The following GNAO1 variants were observed in gnomAD, a reference collection of about 807,000 sequenced individuals.
GNAO1 encodes the protein G protein subunit alpha o1.
For synonymous variants in GNAO1, 164 were observed against 180.7 expected (o/e 0.91, Z 0.74); for missense variants, 166 against 478.7 (o/e 0.35, Z 6.10).
In GNAO1 at chr16:56,351,240, C is replaced by G. The variant is rs923191810; in HGVS notation, c.724-144C>G. 1.5e-5 allele frequency: 9 copies of G among 616,122 alleles called. No homozygotes were observed. Among genetic ancestry groups the G allele is most frequent in the Admixed American group, 2.7e-5 (1 of 36,666 alleles). 38.2% of individuals were successfully genotyped at this position (616,122 alleles called of 1,614,324 possible). The stretch of plus-strand genomic sequence containing the variant: ...GAGATGTGCTGTGAGGTGTAACTGA[C>G]TCAGGTTCCATCTGGCAGCCTCTCG... On this transcript the variant is annotated intron_variant, in intron 6 of 8. Transcript: ENST00000262493. The surrounding 1 kb of genome is among the most constrained non-coding windows in gnomAD (Gnocchi z 6.1).
chr16:56,315,151 C>G (rs1417805868), intron 3 of GNAO1, among the ~76,000 whole-genome samples: 3 of 152,170 alleles, frequency 2.0e-5, no homozygotes, highest in Non-Finnish European at 2.9e-5. Context: ...CTATTCCCAC[C>G]CTGCACCTTA....
chr16:56,355,378 G>C (rs1169454781), intron 8 of GNAO1: 1 of 152,564 alleles, frequency 6.6e-6, no homozygotes, highest in African/African-American at 2.4e-5. Context: ...TGTCCAGATG[G>C]GAGCTTGGTT....
intron 3 of GNAO1, among the ~76,000 whole-genome samples, chr16:56,306,170 A>T (rs1283000515): frequency 6.6e-6 from 1 of 152,146 alleles, no homozygotes; most frequent in Non-Finnish European, 1.5e-5. Context: ...ACAGGTGTTG[A>T]TGGGTGTCAA....
intron 2 of GNAO1, among the ~76,000 whole-genome samples, chr16:56,217,345 T>A (rs2036445313): frequency 1.3e-5 from 2 of 152,222 alleles, no homozygotes. Flanking sequence ...TAATAAGACA[T>A]CAGATTTAGC....
intron 3 of GNAO1, among the ~76,000 whole-genome samples, chr16:56,293,745 A>T (rs1170732991): frequency 6.6e-6 from 1 of 152,158 alleles, no homozygotes; most frequent in Non-Finnish European, 1.5e-5. Context: ...AGCTGTCCTG[A>T]TATCAGGTTG....
intron 3 of GNAO1, among the ~76,000 whole-genome samples, chr16:56,293,777 C>A (rs979012990): frequency 6.6e-6 from 1 of 152,088 alleles, no homozygotes. Flanking sequence ...GAATGAATGA[C>A]TGGGTTTGGG....
intron 2 of GNAO1, among the ~76,000 whole-genome samples, chr16:56,231,884 C>G (rs1596811177): frequency 6.6e-6 from 1 of 152,146 alleles, no homozygotes; most frequent in Non-Finnish European, 1.5e-5. Flanking sequence ...GGAGCCTGGT[C>G]CCAGGAGAAG....
chr16:56,264,422 T>A (rs1410443002), intron 2 of GNAO1, among the ~76,000 whole-genome samples: 2 of 152,224 alleles, frequency 1.3e-5, no homozygotes, highest in African/African-American at 4.8e-5. Context: ...GCAGGGTTCA[T>A]GTTGTTTTTC....
intron 3 of GNAO1, among the ~76,000 whole-genome samples, chr16:56,324,761 T>A (rs1218509204): frequency 4.6e-5 from 7 of 152,258 alleles, no homozygotes; most frequent in Non-Finnish European, 2.9e-5. Context: ...TTGTTGGCGA[T>A]ACTGACCCTT....
At chr16:56,336,425 A>T (rs1188060403) in intron 5 of GNAO1, 2 of 268,676 alleles carry the variant, frequency 7.4e-6, no homozygotes, top group Non-Finnish European at 1.4e-5. Flanking sequence ...TCTCAGAGGC[A>T]CTTCCTGGGG....
At chr16:56,259,531 C>T (rs905558768) in intron 2 of GNAO1, among the ~76,000 whole-genome samples, 18 of 152,166 alleles carry the variant, frequency 1.2e-4, no homozygotes, top group African/African-American at 3.9e-4. Context: ...CATTGCTGGC[C>T]GTGGTGATAA....
intron 3 of GNAO1, among the ~76,000 whole-genome samples, chr16:56,280,775 A>G (rs9922112): frequency 6.6e-6 from 1 of 151,976 alleles, no homozygotes; most frequent in African/African-American, 2.4e-5. Flanking sequence ...GTAGAACCTC[A>G]GCCAGAAAGC....
At chr16:56,246,773 C>T (rs1469057426) in intron 2 of GNAO1, among the ~76,000 whole-genome samples, 1 of 152,178 alleles carries the variant, frequency 6.6e-6, no homozygotes, top group Non-Finnish European at 1.5e-5. Context: ...TGTCCCTCTT[C>T]CTCTCTGACA....
At chr16:56,276,910 C>T (rs1211213238) in intron 3 of GNAO1, 1 of 152,188 alleles carries the variant, frequency 6.6e-6, no homozygotes, top group Non-Finnish European at 1.5e-5. Context: ...CACCTGGGCT[C>T]TGCATCTGAG....
At chr16:56,207,675 T>C (rs1315152663) in intron 2 of GNAO1, among the ~76,000 whole-genome samples, 1 of 152,176 alleles carries the variant, frequency 6.6e-6, no homozygotes, top group Non-Finnish European at 1.5e-5. Context: ...CAGGATATAA[T>C]AGTAAGTCAA....
chr16:56,279,737 A>C (rs1441899214), intron 3 of GNAO1, among the ~76,000 whole-genome samples: 2 of 152,208 alleles, frequency 1.3e-5, no homozygotes, highest in Non-Finnish European at 2.9e-5. Flanking sequence ...GTGTAGTCAG[A>C]GTCCTTTGAG....
chr16:56,355,097 C>A lies in GNAO1; in HGVS notation c.*28+16C>A. 1 of 1,293,708 alleles carries A rather than the reference C, an allele frequency of 7.7e-7. No individual in the cohort carries two copies. Among genetic ancestry groups the A allele is most frequent in the Non-Finnish European group, 1.1e-6 (1 of 903,376 alleles). 80.1% of individuals were successfully genotyped at this position (1,293,708 alleles called of 1,614,324 possible). A position where few individuals can be genotyped will look rare whatever the true frequency, so the allele number is the denominator to read the frequency against. On this transcript the variant is annotated intron_variant, in intron 8 of 8. Transcript: ENST00000262493. ...AACCTATTTGGTAATGATTCCAGCA[C>A]CCACAGAACAGCTTGCGTGCGCGCG...
In GNAO1 at chr16:56,356,769, GTTCCT is replaced by G. The variant is rs2037972628; in HGVS notation, c.*698_*702del. On this transcript the variant is annotated 3_prime_UTR_variant, in exon 9 of 9. Transcript: ENST00000262493. ...GGATAGCCTTTGTAGGGGTTTTTTGGTTCCTTTTTTTTTTTTTTCAGTTTTTGTTT... is the reference window on the plus strand; with the variant it reads ...GGATAGCCTTTGTAGGGGTTTTTTGGTTTTTTTTTTTTTCAGTTTTTGTTT... The G allele has an allele frequency of 8.1e-6, 1 of 123,632 alleles. No individual in the cohort carries two copies. Among genetic ancestry groups the G allele is most frequent in the African/African-American group, 3.0e-5 (1 of 33,306 alleles). The allele number at this position is 123,632 out of a possible 1,614,324, so 7.7% of individuals were successfully genotyped here. A position where few individuals can be genotyped will look rare whatever the true frequency, so the allele number is the denominator to read the frequency against.
intron 2 of GNAO1, among the ~76,000 whole-genome samples, chr16:56,240,470 T>C (rs1373298352): frequency 1.3e-5 from 2 of 152,116 alleles, no homozygotes; most frequent in African/African-American, 2.4e-5. Flanking sequence ...AACTGCTTGG[T>C]TTTTGAACCA....
Sources: gnomAD v4.1 joint callset for allele counts (sites outside exome capture counted in the v4.1 genomes callset) on GRCh38, gnomAD v4.1.1 for gene constraint, Gnocchi (gnomAD v3.1) non-coding constraint, MANE v1.5 for transcripts, NCBI Gene and HGNC (gene_info 2026-07-23, HGNC 2026-07-21) for gene names.